The following UBASH3B variants were observed in gnomAD, a reference collection of about 807,000 sequenced individuals.
UBASH3B encodes the protein ubiquitin associated and SH3 domain containing B.
A neutral mutation model predicts 83.4 loss-of-function variants in UBASH3B; 37 were observed. The ratio of observed to expected loss-of-function variants is 0.44; its 90% confidence interval spans 0.34 to 0.58. The LOEUF is 0.58. Ranked by LOEUF, UBASH3B falls within the 20% of genes least tolerant of loss-of-function variation. The pLI is 0.01. For synonymous variants in UBASH3B, 304 were observed against 318.3 expected (o/e 0.96, Z 0.48); for missense variants, 657 against 827.2 (o/e 0.79, Z 2.52).
chr11:122,766,564 T>A (rs1345552485), intron 1 of UBASH3B, among the ~76,000 whole-genome samples: 2 of 148,288 alleles, frequency 1.3e-5, no homozygotes, highest in African/African-American at 2.5e-5. Context: ...ATAATAATAA[T>A]AAATAAATAC....
intron 1 of UBASH3B, among the ~76,000 whole-genome samples, chr11:122,674,989 A>G (rs1863649398): frequency 6.6e-6 from 1 of 152,068 alleles, no homozygotes; most frequent in South Asian, 2.1e-4. Flanking sequence ...TTCGTCTCCC[A>G]AAGTACTGGG....
At chr11:122,805,272 G>C (rs558982527) in intron 11 of UBASH3B, among the ~76,000 whole-genome samples, 1 of 152,224 alleles carries the variant, frequency 6.6e-6, no homozygotes, top group African/African-American at 2.4e-5. Flanking sequence ...GCTCATGCCT[G>C]TAATCCCAGC....
chr11:122,687,198 A>G (rs778625835), intron 1 of UBASH3B, among the ~76,000 whole-genome samples: 3 of 152,198 alleles, frequency 2.0e-5, no homozygotes, highest in Non-Finnish European at 2.9e-5. Context: ...CTGTACCTCC[A>G]GTAAGATACA....
intron 1 of UBASH3B, among the ~76,000 whole-genome samples, chr11:122,672,987 G>A (rs1863619299): frequency 6.6e-6 from 1 of 152,220 alleles, no homozygotes; most frequent in South Asian, 2.1e-4. Flanking sequence ...CCCCAGGGCT[G>A]AGGGGATGTG....
At chr11:122,715,548 A>C (rs1860506050) in intron 1 of UBASH3B, among the ~76,000 whole-genome samples, 1 of 152,198 alleles carries the variant, frequency 6.6e-6, no homozygotes, top group Non-Finnish European at 1.5e-5. Flanking sequence ...ATGTGTCACC[A>C]AAGAGACACA....
At chr11:122,747,449 G>A (rs1319434639) in intron 1 of UBASH3B, among the ~76,000 whole-genome samples, 1 of 152,202 alleles carries the variant, frequency 6.6e-6, no homozygotes, top group African/African-American at 2.4e-5. Context: ...TTAGGACCTA[G>A]AGGCAGCATC....
intron 1 of UBASH3B, among the ~76,000 whole-genome samples, chr11:122,754,569 A>G (rs1177256562): frequency 3.3e-5 from 5 of 152,124 alleles, no homozygotes; most frequent in Non-Finnish European, 7.4e-5. Context: ...TTTATGTTGC[A>G]TTGGGTGTTG....
intron 5 of UBASH3B, among the ~76,000 whole-genome samples, chr11:122,785,071 G>A (rs1052843727): frequency 7.9e-5 from 12 of 152,126 alleles, no homozygotes; most frequent in African/African-American, 2.9e-4. Context: ...AATTTTACAA[G>A]GAATATCCTC....
At chr11:122,774,935 C>T (rs1860707836) in intron 1 of UBASH3B, among the ~76,000 whole-genome samples, 1 of 152,180 alleles carries the variant, frequency 6.6e-6, no homozygotes. Flanking sequence ...TGCAGCCTTC[C>T]CCAGCCCCTC....
At chr11:122,743,228 C>G (rs537780710) in intron 1 of UBASH3B, among the ~76,000 whole-genome samples, 2 of 152,132 alleles carry the variant, frequency 1.3e-5, no homozygotes, top group African/African-American at 4.8e-5. Context: ...CTCTCTCTCT[C>G]TCTTTGAGGC....
intron 1 of UBASH3B, among the ~76,000 whole-genome samples, chr11:122,742,582 G>A (rs1308310472): frequency 6.6e-6 from 1 of 152,156 alleles, no homozygotes; most frequent in African/African-American, 2.4e-5. Flanking sequence ...ACATCACTAG[G>A]CCTTCTCTTA....
At chr11:122,794,896 A>T in intron 7 of UBASH3B, 62 bp downstream of exon 7, 1 of 1,603,282 alleles carries the variant, frequency 6.2e-7, no homozygotes, top group Non-Finnish European at 8.5e-7. Context: ...GAACCTATTT[A>T]TTAAGCATGA....
chr11:122,796,817 G>A lies in UBASH3B; in HGVS notation c.1235-94G>A, dbSNP rs1861164604. 3 of 1,567,278 alleles carry A rather than the reference G, an allele frequency of 1.9e-6. No homozygotes were observed. The Admixed American group carries it at 5.2e-5, about 27-fold the overall frequency. On this transcript the variant is annotated intron_variant, in intron 8 of 13. Transcript: ENST00000284273. ...AGCTCAGTGTGATCTCTTTGGCCAAGAAGGAATGGGGGTGGAGAGTGTCAG... is the reference window on the plus strand; with the variant it reads ...AGCTCAGTGTGATCTCTTTGGCCAAAAAGGAATGGGGGTGGAGAGTGTCAG...
chr11:122,768,783 G>T (rs2135128423), intron 1 of UBASH3B, among the ~76,000 whole-genome samples: 1 of 152,232 alleles, frequency 6.6e-6, no homozygotes, highest in South Asian at 2.1e-4. Context: ...GGGATTACAG[G>T]TGTGAGCCAC....
chr11:122,727,865 T>A lies in UBASH3B; in HGVS notation c.162-48354T>A, dbSNP rs145475535. Among the ~76,000 whole-genome samples the A allele has an allele frequency of 1.5e-3, 224 of 152,204 alleles. 1 individual carries two copies. The highest frequency in any genetic ancestry group is 5.3e-3 in the African/African-American group (220 of 41,514). On this transcript the variant is annotated intron_variant, in intron 1 of 13. Coordinates refer to ENST00000284273, the MANE Select transcript of UBASH3B (RefSeq NM_032873.5). ...AAAGACCCAAAGAGACTTTGAACAG[T>A]CATTTCACCCTCCCCGCACAGCTGG...
At chr11:122,675,089 C>G (rs953349050) in intron 1 of UBASH3B, among the ~76,000 whole-genome samples, 11 of 152,242 alleles carry the variant, frequency 7.2e-5, no homozygotes, top group African/African-American at 2.4e-4. Flanking sequence ...TAAACATGCA[C>G]CATGATTAAG....
chr11:122,698,784 A>T (rs113843603), intron 1 of UBASH3B, among the ~76,000 whole-genome samples: 1,610 of 152,308 alleles, frequency 0.011, 28 homozygotes, highest in African/African-American at 0.035. Flanking sequence ...TACGGTCATT[A>T]ATGTTCACTT....
chr11:122,738,748 G>A (rs771722924), intron 1 of UBASH3B, among the ~76,000 whole-genome samples: 8 of 152,004 alleles, frequency 5.3e-5, no homozygotes, highest in Admixed American at 1.3e-4. Context: ...TTAGCTGGGC[G>A]TGGTGGTGCA....
chr11:122,754,310 C>T (rs968820583), intron 1 of UBASH3B, among the ~76,000 whole-genome samples: 2 of 152,248 alleles, frequency 1.3e-5, no homozygotes, highest in African/African-American at 4.8e-5. Flanking sequence ...CTCAAGGAAA[C>T]TGTCTTCCTG....
Sources: gnomAD v4.1 joint callset for allele counts (sites outside exome capture counted in the v4.1 genomes callset) on GRCh38, gnomAD v4.1.1 for gene constraint, MANE v1.5 for transcripts, NCBI Gene and HGNC (gene_info 2026-07-23, HGNC 2026-07-21) for gene names.